The following THADA variants were observed in gnomAD, a reference collection of about 807,000 sequenced individuals.
THADA encodes THADA armadillo repeat containing, also known as tRNA (32-2'-O)-methyltransferase regulator THADA.
A neutral mutation model predicts 219.8 loss-of-function variants in THADA; 213 were observed. That is an observed-to-expected ratio of 0.97 (90% CI 0.87 to 1.09). THADA has a LOEUF of 1.09. Among genes scored for constraint, THADA ranks in the 50% least tolerant of loss-of-function variants. The pLI is 0.00. For missense variants in THADA, 2,956 were observed against 2,311.3 expected (o/e 1.28, Z -5.72); for synonymous variants, 1,018 against 828.9 (o/e 1.23, Z -3.92).
chr2:43,236,287 T>G (rs992785962), intron 36 of THADA, among the ~76,000 whole-genome samples: 1 of 152,176 alleles, frequency 6.6e-6, no homozygotes, highest in Non-Finnish European at 1.5e-5. Context: ...CTGAGATGTT[T>G]TGGGGATGCG....
intron 30 of THADA, among the ~76,000 whole-genome samples, chr2:43,334,775 A>G (rs1573120488): frequency 1.3e-5 from 2 of 151,840 alleles, no homozygotes; most frequent in African/African-American, 4.8e-5. Flanking sequence ...ACTCCGTCTC[A>G]AAACAAAAAA....
At chr2:43,514,721 T>A (rs1264798082) in intron 22 of THADA, among the ~76,000 whole-genome samples, 1 of 80,116 alleles carries the variant, frequency 1.2e-5, no homozygotes, top group East Asian at 3.1e-4. Flanking sequence ...TAAATATATA[T>A]TATATATAAT....
chr2:43,270,980 CCT>C (rs1672050001), intron 36 of THADA, among the ~76,000 whole-genome samples: 2 of 152,162 alleles, frequency 1.3e-5, no homozygotes, highest in South Asian at 2.1e-4. Context: ...TTCTCCTTCC[CCT>C]GTCCCCCCAC....
intron 36 of THADA, among the ~76,000 whole-genome samples, chr2:43,245,172 CTTTTTT>C (rs200036949): frequency 3.9e-5 from 4 of 103,144 alleles, no homozygotes; most frequent in African/African-American, 1.5e-4. Flanking sequence ...CTTTCTTCTT[CTTTTTT>C]TTTTTTTTTT....
At chr2:43,256,087 T>A (rs55770424) in intron 36 of THADA, among the ~76,000 whole-genome samples, 21,608 of 152,144 alleles carry the variant, frequency 0.14, 1,715 homozygotes, top group African/African-American at 0.21. Context: ...CCCCTGCCTG[T>A]AAGAAGAGGT....
At chr2:43,556,714 C>T (rs1056769979) in intron 16 of THADA, among the ~76,000 whole-genome samples, 159 bp from the exon 17 acceptor site, 4 of 151,918 alleles carry the variant, frequency 2.6e-5, no homozygotes, top group Admixed American at 1.3e-4. Flanking sequence ...TACTTGAGGC[C>T]AGGAGCTCAA....
At chr2:43,328,091 A>G (rs987858297) in intron 30 of THADA, among the ~76,000 whole-genome samples, 1 of 152,220 alleles carries the variant, frequency 6.6e-6, no homozygotes, top group Non-Finnish European at 1.5e-5. Context: ...AAAAGAACCC[A>G]CATCTGCCAT....
At chr2:43,511,195 G>A (rs1001737415) in intron 22 of THADA, among the ~76,000 whole-genome samples, 2 of 152,092 alleles carry the variant, frequency 1.3e-5, no homozygotes, top group African/African-American at 2.4e-5. Context: ...TCCTGTAGGG[G>A]ATTTGCTACG....
At chr2:43,276,779 CCT>C (rs1474970084) in intron 36 of THADA, among the ~76,000 whole-genome samples, 1 of 152,198 alleles carries the variant, frequency 6.6e-6, no homozygotes, top group Non-Finnish European at 1.5e-5. Context: ...TGACTTGTGG[CCT>C]CTGAGTGCCT....
chr2:43,281,614 T>C (rs575422815), intron 35 of THADA, among the ~76,000 whole-genome samples: 1 of 151,982 alleles, frequency 6.6e-6, no homozygotes, highest in Non-Finnish European at 1.5e-5. Flanking sequence ...GCTAATTTTG[T>C]ATTTTTAGTA....
intron 32 of THADA, 104 bp from the exon 33 acceptor site, chr2:43,292,326 C>G: frequency 1.4e-6 from 1 of 718,268 alleles, no homozygotes; most frequent in South Asian, 2.2e-5. Context: ...GTCTACCTTT[C>G]AAAAGGCTCC....
chr2:43,578,946 C>T (rs1341168904), intron 8 of THADA, among the ~76,000 whole-genome samples: 1 of 152,204 alleles, frequency 6.6e-6, no homozygotes, highest in African/African-American at 2.4e-5. Context: ...ATTCTCCTGC[C>T]TCAGCCTCCC....
In THADA at chr2:43,389,359, C is replaced by A. The variant is rs1030943630; in HGVS notation, c.4227+8612G>T. The stretch of plus-strand genomic sequence containing the variant: ...AAATAATAGCTAAAAGCCAGGTACA[C>A]CTGTAGTCCCATCTACTCTGGAGGC... On this transcript the variant is annotated intron_variant, in intron 29 of 37. Transcript: ENST00000405975. 4.6e-5 allele frequency among the ~76,000 whole-genome samples: 7 copies of A among 152,146 alleles called. 1 individual carries two copies. The highest frequency in any genetic ancestry group is 4.6e-4 in the Admixed American group (7 of 15,284).
chr2:43,273,329 A>G (rs1672348703), intron 36 of THADA, among the ~76,000 whole-genome samples: 1 of 152,106 alleles, frequency 6.6e-6, no homozygotes, highest in Non-Finnish European at 1.5e-5. Context: ...ACTCATCTGA[A>G]GAGGAATTTA....
At chr2:43,552,892 T>A (rs1352717029) in intron 17 of THADA, among the ~76,000 whole-genome samples, 1 of 151,976 alleles carries the variant, frequency 6.6e-6, no homozygotes, top group Admixed American at 6.6e-5. Context: ...GAGGATCACA[T>A]ATTGTATGAT....
At chr2:43,546,563 G>C (rs1302975212) in intron 20 of THADA, among the ~76,000 whole-genome samples, 2 of 152,064 alleles carry the variant, frequency 1.3e-5, no homozygotes, top group Non-Finnish European at 2.9e-5. Flanking sequence ...CCTGCATTGG[G>C]TGCATACATA....
intron 31 of THADA, among the ~76,000 whole-genome samples, chr2:43,316,363 G>A (rs1678079712): frequency 6.6e-6 from 1 of 152,052 alleles, no homozygotes; most frequent in Non-Finnish European, 1.5e-5. Context: ...ATATATCTCT[G>A]AGGCTAGCAG....
intron 31 of THADA, among the ~76,000 whole-genome samples, chr2:43,300,297 G>A (rs530535779): frequency 5.3e-5 from 8 of 151,654 alleles, no homozygotes; most frequent in African/African-American, 1.7e-4. Flanking sequence ...CACCGTGCCA[G>A]AACAAAAATT....
At chr2:43,480,755 T>C (rs532438021) in intron 26 of THADA, among the ~76,000 whole-genome samples, 1 of 150,936 alleles carries the variant, frequency 6.6e-6, no homozygotes, top group African/African-American at 2.4e-5. Context: ...GAGGCAGAGG[T>C]TGCAGTGAGT....
Sources: gnomAD v4.1 joint callset for allele counts (sites outside exome capture counted in the v4.1 genomes callset) on GRCh38, gnomAD v4.1.1 for gene constraint, MANE v1.5 for transcripts, NCBI Gene and HGNC (gene_info 2026-07-23, HGNC 2026-07-21) for gene names.